KMT2C: variants seen among roughly 807,000 people sequenced by gnomAD.
KMT2C encodes lysine methyltransferase 2C, also known as histone-lysine N-methyltransferase 2C.
KMT2C carries 88 observed loss-of-function variants against 507.9 expected under a neutral mutation model. The ratio of observed to expected loss-of-function variants is 0.17; its 90% confidence interval spans 0.15 to 0.21. KMT2C has a LOEUF of 0.21. KMT2C is among the 10% of genes least tolerant of loss of function. The pLI, the probability that KMT2C is intolerant of heterozygous loss-of-function variation, is 1.00. For missense variants in KMT2C, 4,954 were observed against 5,957.8 expected, an observed-to-expected ratio of 0.83 and a Z score of 5.55; for synonymous variants, 2,049 against 2,080.8, an observed-to-expected ratio of 0.98 and a Z score of 0.42.
At chr7:152,346,145 C>T (rs1466121697) in intron 2 of KMT2C, among the ~76,000 whole-genome samples, 2 of 152,184 alleles carry the variant, frequency 1.3e-5, no homozygotes, top group Non-Finnish European at 2.9e-5. Flanking sequence ...CCACTATTAT[C>T]GTTGGAAAGT....
Position 152,163,975 on chromosome 7 carries a change from C to A in KMT2C, c.9751-149G>T. ...TTTGCTTGGGTAACTGCAAAAGTCA[C>A]AAAAAAATTGAATTGATAAGCCTTA... On this transcript the variant is annotated intron_variant, in intron 42 of 58. Coordinates refer to ENST00000262189, the MANE Select transcript of KMT2C (RefSeq NM_170606.3). 3 of 660,354 alleles carry A rather than the reference C, an allele frequency of 4.5e-6. No individual in the cohort carries two copies. In the Admixed American group the frequency reaches 8.2e-5, roughly 18 times the overall value. 40.9% of individuals were successfully genotyped at this position (660,354 alleles called of 1,614,324 possible).
chr7:152,135,398 G>T lies in KMT2C; in HGVS notation c.*1434C>A, dbSNP rs1196240590. 4.6e-6 allele frequency: 1 copy of T among 215,350 alleles called. No homozygotes were observed. Among genetic ancestry groups the T allele is most frequent in the Admixed American group, 5.8e-5 (1 of 17,172 alleles). 13.3% of individuals were successfully genotyped at this position (215,350 alleles called of 1,614,324 possible). On this transcript the variant is annotated 3_prime_UTR_variant, in exon 59 of 59. Coordinates refer to ENST00000262189, the MANE Select transcript of KMT2C (RefSeq NM_170606.3). ...TTTCTACAAGCAAACACAAAACAGT[G>T]TTTTTTTTATTAAAGAAATGTAAAC...
chr7:152,193,169 G>A (rs770824789), intron 31 of KMT2C, among the ~76,000 whole-genome samples: 102 of 152,202 alleles, frequency 6.7e-4, no homozygotes, highest in Admixed American at 9.8e-4. Context: ...GAGCGAGACC[G>A]TTTCAAAACA....
Position 152,195,952 on chromosome 7 carries a change from G to C in KMT2C, c.4333C>G (p.Leu1445Val), listed in dbSNP as rs763476421. The part of the protein sequence containing the change: ...SEVLNTDDDI[L>V]GIISDDLAKS... ...GCTAGATCATCTGAAATTATTCCAA[G>C]AATGTCATCATCTGTGTTTAAAACT... The change falls in exon 28 of 59, where the codon CTT becomes GTT. Residue 1445 changes from leucine to valine, a missense_variant. By Grantham distance (32) the Leu-to-Val change is conservative (BLOSUM62 1). Around this residue, in one of 29 missense-constraint regions of KMT2C, gnomAD observed 140 missense variants for 118.4 expected, o/e 1.18. Transcript: ENST00000262189. 1 of 1,610,046 alleles carries C rather than the reference G, an allele frequency of 6.2e-7. No individual in the cohort carries two copies. The highest frequency in any genetic ancestry group is 8.5e-7 in the Non-Finnish European group (1 of 1,177,032).
At chr7:152,309,507 CTTTTTTTTTTTTT>C (rs60166582) in intron 6 of KMT2C, among the ~76,000 whole-genome samples, 1 of 87,970 alleles carries the variant, frequency 1.1e-5, no homozygotes, top group Non-Finnish European at 2.1e-5. Flanking sequence ...CATAAAATAA[CTTTTTTTTTTTTT>C]TTTTTTTTTT....
chr7:152,349,844 T>TA (rs2129225408), intron 2 of KMT2C, among the ~76,000 whole-genome samples: 1 of 152,184 alleles, frequency 6.6e-6, no homozygotes, highest in Non-Finnish European at 1.5e-5. Flanking sequence ...ACCACTCTAG[T>TA]ATAGGATGTT....
At chr7:152,224,313 G>A in intron 19 of KMT2C, 122 bp downstream of exon 19, 1 of 1,268,992 alleles carries the variant, frequency 7.9e-7, no homozygotes. Context: ...CTGATTACTG[G>A]TATCTATCAT....
chr7:152,299,237 G>A (rs1177866311), intron 6 of KMT2C, among the ~76,000 whole-genome samples: 1 of 151,920 alleles, frequency 6.6e-6, no homozygotes, highest in Non-Finnish European at 1.5e-5. Flanking sequence ...AGAATCGCTT[G>A]AACCCAGGAG....
intron 55 of KMT2C, among the ~76,000 whole-genome samples, chr7:152,142,579 C>T (rs974722278): frequency 1.3e-5 from 2 of 152,212 alleles, no homozygotes; most frequent in South Asian, 2.1e-4. Flanking sequence ...AGAAACCTCA[C>T]GTTTGGGAAT....
chr7:152,433,148 G>GAAA (rs755418091), intron 1 of KMT2C, among the ~76,000 whole-genome samples: 1 of 100,834 alleles, frequency 9.9e-6, no homozygotes. Context: ...ACTTCGTCCA[G>GAAA]AAAAAAAAAA....
Position 152,138,686 on chromosome 7 carries a change from T to G in KMT2C, c.14643+110A>C. ...CATCTGGCCTATTATGGACAGAGTT[T>G]TTATCACAACAAAGAATTGGGAAAC... On this transcript the variant is annotated intron_variant, in intron 58 of 58. Transcript: ENST00000262189. The surrounding 1 kb of genome is among the most constrained non-coding windows in gnomAD (Gnocchi z 4.2). The G allele has an allele frequency of 2.0e-5, 15 of 742,124 alleles. No homozygotes were observed. In the South Asian group the frequency reaches 2.6e-4, roughly 13 times the overall value. The allele number at this position is 742,124 out of a possible 1,614,324, so 46.0% of individuals were successfully genotyped here. A position where few individuals can be genotyped will look rare whatever the true frequency, so the allele number is the denominator to read the frequency against.
At chr7:152,239,824 G>T (rs1205608684) in intron 14 of KMT2C, among the ~76,000 whole-genome samples, 2 of 152,000 alleles carry the variant, frequency 1.3e-5, no homozygotes, top group Non-Finnish European at 2.9e-5. Context: ...TTAAGACAAG[G>T]TACATAGTAC....
intron 11 of KMT2C, among the ~76,000 whole-genome samples, chr7:152,251,259 C>T (rs1264141900): frequency 6.6e-6 from 1 of 152,092 alleles, no homozygotes; most frequent in African/African-American, 2.4e-5. Flanking sequence ...CCAACCAGGC[C>T]AACATAGTGA....
At chr7:152,282,454 A>G (rs2096235167) in intron 6 of KMT2C, among the ~76,000 whole-genome samples, 1 of 152,278 alleles carries the variant, frequency 6.6e-6, no homozygotes, top group African/African-American at 2.4e-5. Flanking sequence ...CCCAACGGTA[A>G]AATAAATAAA....
chr7:152,213,452 T>C (rs942894751), intron 23 of KMT2C, among the ~76,000 whole-genome samples: 6 of 152,128 alleles, frequency 3.9e-5, no homozygotes, highest in African/African-American at 1.4e-4. Flanking sequence ...TCCAATAAGA[T>C]ACAATAGGGA....
chr7:152,291,075 C>T (rs372095727), intron 6 of KMT2C, among the ~76,000 whole-genome samples: 1 of 151,574 alleles, frequency 6.6e-6, no homozygotes, highest in Non-Finnish European at 1.5e-5. Flanking sequence ...CACTGTTCTG[C>T]CTTGTAATTT....
At chr7:152,299,249 C>A (rs1416093718) in intron 6 of KMT2C, among the ~76,000 whole-genome samples, 1 of 151,710 alleles carries the variant, frequency 6.6e-6, no homozygotes, top group Non-Finnish European at 1.5e-5. Flanking sequence ...ACCCAGGAGG[C>A]GGAGACTACA....
At chr7:152,332,809 T>C (rs1468919388) in intron 2 of KMT2C, among the ~76,000 whole-genome samples, 3 of 149,716 alleles carry the variant, frequency 2.0e-5, no homozygotes, top group Non-Finnish European at 4.4e-5. Context: ...GATCATGCCA[T>C]TGCACTCCAG....
chr7:152,161,099 T>A (rs2092431849), intron 43 of KMT2C, among the ~76,000 whole-genome samples: 1 of 152,200 alleles, frequency 6.6e-6, no homozygotes, highest in African/African-American at 2.4e-5. Flanking sequence ...GGGTATAAGA[T>A]GTCTTGGAGA....
Sources: gnomAD v4.1 joint callset for allele counts (sites outside exome capture counted in the v4.1 genomes callset) on GRCh38, gnomAD v4.1.1 for gene constraint, gnomAD v4.1.1 regional missense constraint, Gnocchi (gnomAD v3.1) non-coding constraint, MANE v1.5 for transcripts, NCBI Gene and HGNC (gene_info 2026-07-23, HGNC 2026-07-21) for gene names.